Variants in SEC63 observed in about 807,000 individuals in gnomAD.
SEC63 encodes translocation protein SEC63 homolog.
Under a neutral mutation model 116.2 loss-of-function variants are expected in SEC63, and 56 were observed. The ratio of observed to expected loss-of-function variants is 0.48; its 90% CI spans 0.39 to 0.60. The LOEUF (loss-of-function observed/expected upper bound fraction) is 0.60, where lower values mean the gene tolerates loss of function less well. Among genes scored for constraint, SEC63 ranks in the 20% least tolerant of loss-of-function variants. The pLI, the probability that SEC63 is intolerant of heterozygous loss-of-function variation, is 0.00. For synonymous variants in SEC63, 273 were observed against 294.6 expected (o/e 0.93, Z 0.75); for missense variants, 668 against 900.0 (o/e 0.74, Z 3.30).
chr6:107,917,838 A>G (rs550162820), intron 4 of SEC63, among the ~76,000 whole-genome samples: 2 of 152,362 alleles, frequency 1.3e-5, no homozygotes, highest in Admixed American at 1.3e-4. Flanking sequence ...TCTCTACAAC[A>G]GAAGTGCAAG....
Position 107,929,395 on chromosome 6 carries a change from T to C in SEC63, c.224+20A>G, listed in dbSNP as rs55686781. 7 of 1,333,888 alleles carry C rather than the reference T, an allele frequency of 5.2e-6. No individual in the cohort carries two copies. Among genetic ancestry groups the C allele is most frequent in the Non-Finnish European group, 7.6e-6 (7 of 926,332 alleles). 82.6% of individuals were successfully genotyped at this position (1,333,888 alleles called of 1,614,324 possible). On this transcript the variant is annotated intron_variant, in intron 2 of 20. Transcript: ENST00000369002. The stretch of plus-strand genomic sequence containing the variant: ...AGAGTAAGCATTAAGTAGGTTTTTT[T>C]CTTGAAATCCATTACTTACTTTACT...
At chr6:107,954,386 T>C (rs1770661095) in intron 1 of SEC63, among the ~76,000 whole-genome samples, 2 of 148,826 alleles carry the variant, frequency 1.3e-5, no homozygotes, top group African/African-American at 5.0e-5. Context: ...CACTTGTTTA[T>C]CTGCTGACCC....
chr6:107,874,324 G>C (rs997899833), intron 19 of SEC63, among the ~76,000 whole-genome samples: 3 of 152,180 alleles, frequency 2.0e-5, no homozygotes, highest in Non-Finnish European at 4.4e-5. Flanking sequence ...GCCGGGCACG[G>C]TGGCTCACGC....
Position 107,897,704 on chromosome 6 carries a change from ATGT to A in SEC63, c.1382_1384del (p.Asn461del). The A allele has an allele frequency of 6.2e-7, 1 of 1,610,378 alleles. No homozygotes were observed. The highest frequency in any genetic ancestry group is 8.5e-7 in the Non-Finnish European group (1 of 1,176,758). On this transcript the variant is annotated inframe_deletion, in exon 14 of 21. Coordinates refer to ENST00000369002, the MANE Select transcript of SEC63 (RefSeq NM_007214.5). ...CACTGTAACTAAGGATCCTACTGTGATGTTGTTGCTATCTTCATCATCTAACAC... is the reference window on the plus strand; with the variant it reads ...CACTGTAACTAAGGATCCTACTGTGATGTTGCTATCTTCATCATCTAACAC...
chr6:107,887,037 C>T (rs1786546428), intron 16 of SEC63, among the ~76,000 whole-genome samples: 1 of 152,026 alleles, frequency 6.6e-6, no homozygotes, highest in African/African-American at 2.4e-5. Context: ...TTTAGTCCAC[C>T]TTGAGTTAAT....
rs1770333538 is a variant in SEC63, at chr6:107,939,763, TAA to T, written c.125-10251_125-10250del. ...ACTAAAAAATAGTTAAAAATAAAAA[TAA>T]TTTAAAAAAAAAAATTTTTAAAAAC... is the stretch of plus-strand genomic sequence containing the variant. On this transcript the variant is annotated intron_variant, in intron 1 of 20. Transcript: ENST00000369002. Among the ~76,000 whole-genome samples, 7 of 151,832 alleles carry T rather than the reference TAA, an allele frequency of 4.6e-5. 1 individual carries two copies. The highest frequency in any genetic ancestry group is 4.4e-5 in the Non-Finnish European group (3 of 67,966).
chr6:107,894,828 T>G (rs1786776521), intron 14 of SEC63, among the ~76,000 whole-genome samples: 1 of 151,820 alleles, frequency 6.6e-6, no homozygotes. Context: ...GGTCTTGAAC[T>G]CCTGAGCTCA....
At chr6:107,928,543 C>T (rs1011743973) in intron 2 of SEC63, among the ~76,000 whole-genome samples, 1 of 150,814 alleles carries the variant, frequency 6.6e-6, no homozygotes, top group Non-Finnish European at 1.5e-5. Context: ...TAAAACCTTA[C>T]AAAGAAAAAC....
intron 7 of SEC63, among the ~76,000 whole-genome samples, chr6:107,910,912 G>T (rs1272581995): frequency 6.6e-6 from 1 of 151,906 alleles, no homozygotes; most frequent in East Asian, 1.9e-4. Context: ...TAAAGACAGG[G>T]TTTCACCATG....
At chr6:107,874,456 T>C (rs533158349) in intron 19 of SEC63, among the ~76,000 whole-genome samples, 18 of 151,410 alleles carry the variant, frequency 1.2e-4, no homozygotes, top group East Asian at 7.8e-4. Flanking sequence ...ATTAGCTGGG[T>C]GCAGTGGCGG....
chr6:107,876,513 G>T, intron 19 of SEC63, 51 bp downstream of exon 19: 3 of 1,043,086 alleles, frequency 2.9e-6, no homozygotes, highest in Non-Finnish European at 4.5e-6. Context: ...GCAGCATGAT[G>T]GTGACAGCTG....
At chr6:107,956,415 G>C (rs1033173538) in intron 1 of SEC63, among the ~76,000 whole-genome samples, 2 of 152,106 alleles carry the variant, frequency 1.3e-5, no homozygotes, top group Non-Finnish European at 2.9e-5. Flanking sequence ...ACAGCATTAA[G>C]ACTTCACTTA....
At chr6:107,954,522 AAC>A (rs1388312301) in intron 1 of SEC63, 1 of 152,098 alleles carries the variant, frequency 6.6e-6, no homozygotes. Context: ...TTAGAAAAGT[AAC>A]ACAGCGTTTA....
In SEC63 at chr6:107,901,478, C is replaced by G; in HGVS notation, c.1249G>C (p.Glu417Gln). 1 of 1,603,922 alleles carries G rather than the reference C, an allele frequency of 6.2e-7. No individual in the cohort carries two copies. The highest frequency in any genetic ancestry group is 8.5e-7 in the Non-Finnish European group (1 of 1,171,364). The change falls in exon 13 of 21, where the codon GAA becomes CAA. Residue 417 changes from glutamate (E) to glutamine (Q), a missense_variant. Glu to Gln is a conservative substitution (Grantham distance 29). This residue lies in a region of SEC63 where 430 missense variants were observed against 557.5 expected (regional missense o/e 0.77). Coordinates refer to ENST00000369002, the MANE Select transcript of SEC63 (RefSeq NM_007214.5). ...TGCAGTAGAGTGTGACGATCTGATT[C>G]TTTTAAACTCACCAAATCCTGGATA... ...KTIQDLVSLK[E>Q]SDRHTLLHFL...
rs1787639864 is a variant in SEC63, at chr6:107,924,838, C to G, written c.319G>C (p.Glu107Gln). The G allele has an allele frequency of 6.5e-7, 1 of 1,546,454 alleles. No individual in the cohort carries two copies. Residue 107 changes from glutamate to glutamine, a missense_variant, in exon 3 of 21, where the codon GAA becomes CAA. Physicochemically the swap from Glu to Gln is conservative, Grantham distance 29 (BLOSUM62 2). This residue lies in a region of SEC63 where 142 missense variants were observed against 169.5 expected (regional missense o/e 0.84). Coordinates refer to ENST00000369002, the MANE Select transcript of SEC63 (RefSeq NM_007214.5). ...DREYQEYNPY[E>Q]VLNLDPGATV... The stretch of plus-strand genomic sequence containing the variant: ...CTTACAGGATCCAAATTTAATACTT[C>G]ATAAGGATTGTATTCTTGGTATTCT...
chr6:107,871,450 C>G lies in SEC63; in HGVS notation c.*254G>C. The G allele has an allele frequency of 4.1e-6, 2 of 490,636 alleles. No homozygotes were observed. Among genetic ancestry groups the G allele is most frequent in the Non-Finnish European group, 7.5e-6 (2 of 268,168 alleles). 30.4% of individuals were successfully genotyped at this position (490,636 alleles called of 1,614,324 possible). Reference sequence around the variant, plus strand: ...CCACACTTCTGGACAGTTATAATAACAAAGGATTTATTATCATTTGCAGAT... The same window carrying G: ...CCACACTTCTGGACAGTTATAATAAGAAAGGATTTATTATCATTTGCAGAT... On this transcript the variant is annotated 3_prime_UTR_variant, in exon 21 of 21. Coordinates refer to ENST00000369002, the MANE Select transcript of SEC63 (RefSeq NM_007214.5).
At chr6:107,886,980 T>C (rs1334846889) in intron 16 of SEC63, among the ~76,000 whole-genome samples, 3 of 152,164 alleles carry the variant, frequency 2.0e-5, no homozygotes, top group East Asian at 3.9e-4. Flanking sequence ...CTGAGTGGTA[T>C]TGCCTAGGTT....
chr6:107,881,129 G>A lies in SEC63; in HGVS notation c.1935+20C>T, dbSNP rs1182213640. 2.0e-6 allele frequency: 3 copies of A among 1,495,994 alleles called. No individual in the cohort carries two copies. The highest frequency in any genetic ancestry group is 2.8e-6 in the Non-Finnish European group (3 of 1,074,338). The allele number at this position is 1,495,994 out of a possible 1,614,324, so 92.7% of individuals were successfully genotyped here. On this transcript the variant is annotated intron_variant, in intron 18 of 20. Transcript: ENST00000369002. The stretch of plus-strand genomic sequence containing the variant: ...GAAAGTGAATGGAATAAGGAACACA[G>A]TAGCCTGTATATAACTCACCTCAGG...
chr6:107,899,061 C>T (rs1786934473), intron 13 of SEC63, among the ~76,000 whole-genome samples: 1 of 152,198 alleles, frequency 6.6e-6, no homozygotes, highest in African/African-American at 2.4e-5. Context: ...GCTGTATGTG[C>T]ACAAGCAGGT....
Sources: gnomAD v4.1 joint callset for allele counts (sites outside exome capture counted in the v4.1 genomes callset) on GRCh38, gnomAD v4.1.1 for gene constraint, gnomAD v4.1.1 regional missense constraint, MANE v1.5 for transcripts, NCBI Gene and HGNC (gene_info 2026-07-23, HGNC 2026-07-21) for gene names.